The following PIP5K1B variants were observed in gnomAD, a reference collection of about 807,000 sequenced individuals.
PIP5K1B encodes phosphatidylinositol-4-phosphate 5-kinase type 1 beta.
PIP5K1B carries 42 observed loss-of-function variants against 67.0 expected under a neutral mutation model. The ratio of observed to expected loss-of-function variants is 0.63; its 90% CI spans 0.49 to 0.81. PIP5K1B has a LOEUF of 0.81. Among genes scored for constraint, PIP5K1B ranks in the 30% least tolerant of loss-of-function variants. The pLI is 0.00. For synonymous variants in PIP5K1B, 214 were observed against 231.4 expected (o/e 0.92, Z 0.68); for missense variants, 459 against 646.3 (o/e 0.71, Z 3.14).
chr9:68,719,510 G>A (rs1248266083), intron 1 of PIP5K1B, among the ~76,000 whole-genome samples: 1 of 152,284 alleles, frequency 6.6e-6, no homozygotes, highest in South Asian at 2.1e-4. Flanking sequence ...TGAGGTTTAC[G>A]ACTGCATTGT....
At chr9:68,944,381 G>C (rs1196410578) in intron 14 of PIP5K1B, among the ~76,000 whole-genome samples, 2 of 152,192 alleles carry the variant, frequency 1.3e-5, no homozygotes, top group African/African-American at 4.8e-5. Context: ...ATATTTTCAT[G>C]ATTTCCTGCG....
intron 4 of PIP5K1B, among the ~76,000 whole-genome samples, chr9:68,840,039 G>A (rs1316183438): frequency 6.6e-6 from 1 of 152,228 alleles, no homozygotes; most frequent in African/African-American, 2.4e-5. Flanking sequence ...GATAAAGAGT[G>A]AAAATGTTCG....
Position 68,880,675 on chromosome 9 carries a change from C to T in PIP5K1B, c.318+3881C>T, listed in dbSNP as rs541256905. Among the ~76,000 whole-genome samples, 29 of 151,998 alleles carry T rather than the reference C, an allele frequency of 1.9e-4. 1 individual carries two copies. Among genetic ancestry groups the T allele is most frequent in the African/African-American group, 5.8e-4 (24 of 41,432 alleles). On this transcript the variant is annotated intron_variant, in intron 6 of 15. Coordinates refer to ENST00000265382, the MANE Select transcript of PIP5K1B (RefSeq NM_003558.4). ...AGATAGAGCCAGGTATGTAAGTGTG[C>T]TTTTGTTTGATTCCATTTGTCCACC...
chr9:68,817,712 C>CTTTT (rs1156788129), intron 2 of PIP5K1B, among the ~76,000 whole-genome samples: 16 of 93,600 alleles, frequency 1.7e-4, no homozygotes, highest in East Asian at 3.3e-4. Flanking sequence ...AGACCTCATT[C>CTTTT]TTTTTTTTTT....
chr9:68,816,546 T>C (rs1390473423), intron 2 of PIP5K1B, among the ~76,000 whole-genome samples: 1 of 152,212 alleles, frequency 6.6e-6, no homozygotes, highest in Non-Finnish European at 1.5e-5. Context: ...CATACTATCA[T>C]GTTACTGCAT....
intron 14 of PIP5K1B, 66 bp from the exon 15 acceptor site, chr9:68,991,074 C>G: frequency 7.7e-6 from 7 of 907,258 alleles, no homozygotes; most frequent in Non-Finnish European, 1.3e-5. Flanking sequence ...CTCTTTAGGA[C>G]TTTGGAGGTG....
intron 2 of PIP5K1B, among the ~76,000 whole-genome samples, chr9:68,792,770 C>T (rs112421538): frequency 0.13 from 19,447 of 152,184 alleles, 1,360 homozygotes; most frequent in Non-Finnish European, 0.16. Context: ...TGAGCCACTG[C>T]GCCTGGCCCA....
At chr9:69,005,881 C>CTTCT (rs569391858) in intron 15 of PIP5K1B, among the ~76,000 whole-genome samples, 110 of 147,186 alleles carry the variant, frequency 7.5e-4, no homozygotes, top group African/African-American at 2.4e-3. Context: ...TCATTTCTTT[C>CTTCT]TTTTTTTTTT....
chr9:68,705,639 C>T lies in PIP5K1B; in HGVS notation c.-366C>T, dbSNP rs1231132353. On this transcript the variant is annotated 5_prime_UTR_variant, in exon 1 of 16. Transcript: ENST00000265382. ...CCCTCCGCCCTCCCGCCCCTCCCGC[C>T]CCTCCCGCCCCTCGCCTGCACTGCT... 6.9e-6 allele frequency: 1 copy of T among 145,016 alleles called. No homozygotes were observed. The highest frequency in any genetic ancestry group is 2.5e-5 in the African/African-American group (1 of 39,488). The allele number at this position is 145,016 out of a possible 1,614,324, so 9.0% of individuals were successfully genotyped here.
At chr9:68,784,354 G>A (rs1431940454) in intron 2 of PIP5K1B, 2 of 166,994 alleles carry the variant, frequency 1.2e-5, no homozygotes, top group African/African-American at 4.8e-5. Flanking sequence ...TAAACCTCTG[G>A]TATATTTTCC....
chr9:68,772,086 T>C (rs1301304671), intron 2 of PIP5K1B, among the ~76,000 whole-genome samples: 1 of 152,182 alleles, frequency 6.6e-6, no homozygotes, highest in Non-Finnish European at 1.5e-5. Context: ...GCTAAGGAAT[T>C]CTTGGCTGTG....
intron 14 of PIP5K1B, among the ~76,000 whole-genome samples, chr9:68,981,531 T>G (rs1411450380): frequency 6.6e-6 from 1 of 152,214 alleles, no homozygotes; most frequent in Admixed American, 6.5e-5. Context: ...ATCTGTGTTG[T>G]GTGCTTTATT....
At chr9:68,782,228 G>A (rs1406081825) in intron 2 of PIP5K1B, 3 of 167,132 alleles carry the variant, frequency 1.8e-5, no homozygotes, top group African/African-American at 7.2e-5. Flanking sequence ...TGTGGTTAAA[G>A]CTACAGCTTG....
intron 7 of PIP5K1B, among the ~76,000 whole-genome samples, chr9:68,889,346 C>A (rs1246898222): frequency 6.6e-6 from 1 of 152,146 alleles, no homozygotes; most frequent in African/African-American, 2.4e-5. Context: ...ATCCCACAAT[C>A]CTGAGTTCAA....
At chr9:68,706,880 C>A (rs752693576) in intron 1 of PIP5K1B, among the ~76,000 whole-genome samples, 1 of 151,858 alleles carries the variant, frequency 6.6e-6, no homozygotes, top group East Asian at 1.9e-4. Context: ...GAGACTGAAG[C>A]GTTCTGCAGC....
chr9:68,875,056 A>C lies in PIP5K1B; in HGVS notation c.201-1621A>C, dbSNP rs936346038. Among the ~76,000 whole-genome samples the C allele has an allele frequency of 3.5e-4, 54 of 152,134 alleles. 1 individual carries two copies. The highest frequency in any genetic ancestry group is 8.8e-5 in the Non-Finnish European group (6 of 68,034). On this transcript the variant is annotated intron_variant, in intron 5 of 15. Coordinates refer to ENST00000265382, the MANE Select transcript of PIP5K1B (RefSeq NM_003558.4). The stretch of plus-strand genomic sequence containing the variant: ...ATAGAAAGAGAAAATGTTTGGGTAC[A>C]GCACTGGGGCATCATGCATACTGAA...
intron 2 of PIP5K1B, among the ~76,000 whole-genome samples, chr9:68,807,659 GT>G (rs1564151053): frequency 6.6e-6 from 1 of 152,112 alleles, no homozygotes; most frequent in Admixed American, 6.5e-5. Context: ...AGACTTGTTT[GT>G]TTGTTTCTGA....
intron 1 of PIP5K1B, among the ~76,000 whole-genome samples, chr9:68,715,549 G>A (rs1442926016): frequency 2.0e-5 from 3 of 152,182 alleles, no homozygotes; most frequent in Admixed American, 2.0e-4. Flanking sequence ...CCCATCCCCA[G>A]TCTAGGACAG....
chr9:68,789,676 A>G, intron 2 of PIP5K1B: 1 of 289,352 alleles, frequency 3.5e-6, no homozygotes, highest in Non-Finnish European at 6.7e-6. Flanking sequence ...ATCATGATAG[A>G]CTGTGATTGT....
Sources: allele counts gnomAD v4.1 joint callset (sites outside exome capture counted in the v4.1 genomes callset), GRCh38; gene constraint gnomAD v4.1.1; transcripts MANE v1.5; gene names NCBI Gene and HGNC (gene_info 2026-07-23, HGNC 2026-07-21).